Variants in ROBO2 observed in about 807,000 individuals in gnomAD.
The protein encoded by ROBO2 is roundabout guidance receptor 2.
ROBO2 carries 53 observed loss-of-function variants against 160.8 expected under a neutral mutation model. That is an observed-to-expected ratio of 0.33 (90% confidence interval 0.26 to 0.41). ROBO2 has a LOEUF of 0.41. Ranked by LOEUF, ROBO2 falls within the 10% of genes least tolerant of loss-of-function variation. The probability of loss-of-function intolerance (pLI) is 1.00; values close to 1 mark genes in which losing one functional copy is unlikely to be tolerated. For missense variants in ROBO2, 1,577 were observed against 1,722.4 expected (o/e 0.92, Z 1.49); for synonymous variants, 664 against 611.7 (o/e 1.09, Z -1.26).
intron 2 of ROBO2, among the ~76,000 whole-genome samples, chr3:77,169,294 C>T (rs889003056): frequency 1.2e-4 from 18 of 152,092 alleles, no homozygotes; most frequent in African/African-American, 3.9e-4. Context: ...GCTATCTTAG[C>T]CAATTATCTT....
At chr3:76,279,137 A>T (rs1428311321) in intron 2 of ROBO2, among the ~76,000 whole-genome samples, 1 of 151,160 alleles carries the variant, frequency 6.6e-6, no homozygotes, top group East Asian at 1.9e-4. Flanking sequence ...ATATATATAT[A>T]TCTTATATAT....
In ROBO2 at chr3:76,971,880, T is replaced by A. The variant is rs149438792; in HGVS notation, c.110-126134T>A. 4.5e-4 allele frequency among the ~76,000 whole-genome samples: 68 copies of A among 152,316 alleles called. 1 individual carries two copies. The East Asian group carries it at 0.011, about 25-fold the overall frequency. On this transcript the variant is annotated intron_variant, in intron 2 of 26. Coordinates refer to the ROBO2 transcript ENST00000487694. ...AAGTGTGTGGCAAAGGGAATCCCTA[T>A]GGCAGGCAGTGCAGAGGTGAGCAGG...
At chr3:76,360,676 C>T (rs2075459362) in intron 2 of ROBO2, among the ~76,000 whole-genome samples, 1 of 152,040 alleles carries the variant, frequency 6.6e-6, no homozygotes, top group African/African-American at 2.4e-5. Context: ...TTTTTAAAGC[C>T]AGGTATAGTC....
intron 2 of ROBO2, among the ~76,000 whole-genome samples, chr3:76,178,125 G>A (rs942350935): frequency 6.6e-6 from 1 of 152,070 alleles, no homozygotes; most frequent in African/African-American, 2.4e-5. Flanking sequence ...TTACAAGGAT[G>A]AAATAATTTA....
At chr3:76,097,644 CAG>C (rs1473391407) in intron 2 of ROBO2, among the ~76,000 whole-genome samples, 1 of 152,038 alleles carries the variant, frequency 6.6e-6, no homozygotes, top group Non-Finnish European at 1.5e-5. Flanking sequence ...ACAGGGTAAT[CAG>C]GGAGGATCTC....
intron 2 of ROBO2, among the ~76,000 whole-genome samples, chr3:76,922,411 G>A (rs760259654): frequency 5.9e-5 from 9 of 152,316 alleles, no homozygotes; most frequent in South Asian, 4.2e-4. Context: ...CCAAGGCTTC[G>A]AGAGCATGAG....
Position 77,546,480 on chromosome 3 carries a change from CT to C in ROBO2, c.1059+19del. The stretch of plus-strand genomic sequence containing the variant: ...GCAGCCAGGTGAGTGTGAGGCTTCA[CT>C]GCTTTTCTGAAATCTCTGAACTTCT... On this transcript the variant is annotated intron_variant, in intron 7 of 25. Transcript: ENST00000461745. 1 of 1,612,716 alleles carries C rather than the reference CT, an allele frequency of 6.2e-7. No individual in the cohort carries two copies. Among genetic ancestry groups the C allele is most frequent in the Non-Finnish European group, 8.5e-7 (1 of 1,178,934 alleles).
intron 21 of ROBO2, among the ~76,000 whole-genome samples, chr3:77,614,728 ACC>A (rs1182328202): frequency 7.4e-5 from 11 of 149,526 alleles, no homozygotes; most frequent in African/African-American, 2.4e-4. Flanking sequence ...CAAAAAACCA[ACC>A]AACCAACCAA....
chr3:77,630,201 G>A (rs547338589), intron 23 of ROBO2: 4 of 152,282 alleles, frequency 2.6e-5, no homozygotes, highest in East Asian at 3.9e-4. Context: ...AAGAGTGAAT[G>A]AGGACTAATA....
chr3:76,203,517 G>C (rs1186648139), intron 2 of ROBO2, among the ~76,000 whole-genome samples: 1 of 121,194 alleles, frequency 8.3e-6, no homozygotes, highest in African/African-American at 3.3e-5. Flanking sequence ...ATCTGAGTGA[G>C]ATTGCCTCAG....
intron 2 of ROBO2, among the ~76,000 whole-genome samples, chr3:76,313,558 G>A (rs545091167): frequency 6.6e-5 from 10 of 152,246 alleles, no homozygotes; most frequent in African/African-American, 2.4e-4. Context: ...AAACACTGTG[G>A]CCAGAGGCAA....
intron 22 of ROBO2, among the ~76,000 whole-genome samples, chr3:77,618,349 C>A (rs549606612): frequency 9.2e-5 from 14 of 152,156 alleles, no homozygotes; most frequent in African/African-American, 2.4e-4. Flanking sequence ...AGGAGTAAAT[C>A]AAAAATTTCA....
chr3:76,551,188 A>G (rs1038946810), intron 2 of ROBO2, among the ~76,000 whole-genome samples: 2 of 151,770 alleles, frequency 1.3e-5, no homozygotes, highest in Admixed American at 6.6e-5. Flanking sequence ...ACTCAGCCAG[A>G]CTCACACAGA....
intron 2 of ROBO2, among the ~76,000 whole-genome samples, chr3:76,630,128 C>T (rs1166456243): frequency 6.6e-6 from 1 of 152,208 alleles, no homozygotes; most frequent in East Asian, 1.9e-4. Context: ...TGAGAGAAAA[C>T]ATTGATTACT....
intron 2 of ROBO2, among the ~76,000 whole-genome samples, chr3:76,942,077 A>G (rs554847362): frequency 6.6e-6 from 1 of 152,234 alleles, no homozygotes; most frequent in Non-Finnish European, 1.5e-5. Context: ...CAAAAGTTAC[A>G]GCAAGTATTG....
intron 2 of ROBO2, among the ~76,000 whole-genome samples, chr3:77,252,831 A>AAAAAAATATATATATAT: frequency 8.0e-5 from 1 of 12,518 alleles, no homozygotes; most frequent in African/African-American, 1.6e-4. Context: ...AAAAAAAAAA[A>AAAAAAATATATATATAT]ATATATATAT....
At chr3:76,536,531 T>TA (rs1491119440) in intron 2 of ROBO2, among the ~76,000 whole-genome samples, 2 of 152,010 alleles carry the variant, frequency 1.3e-5, no homozygotes, top group African/African-American at 4.8e-5. Context: ...GATAGCTTTG[T>TA]ATGCTGCCTT....
At chr3:77,318,776 G>T (rs1033854358) in intron 2 of ROBO2, among the ~76,000 whole-genome samples, 2 of 152,104 alleles carry the variant, frequency 1.3e-5, no homozygotes, top group Admixed American at 1.3e-4. Flanking sequence ...TAAGTTGTAA[G>T]TGCTACCATG....
chr3:76,255,691 T>G (rs1333050518), intron 2 of ROBO2, among the ~76,000 whole-genome samples: 2 of 151,690 alleles, frequency 1.3e-5, no homozygotes, highest in African/African-American at 4.8e-5. Flanking sequence ...AATTTAAGAG[T>G]TCAATCGAAA....
Sources: allele counts gnomAD v4.1 joint callset (sites outside exome capture counted in the v4.1 genomes callset), GRCh38; gene constraint gnomAD v4.1.1; transcripts MANE v1.5; gene names NCBI Gene and HGNC (gene_info 2026-07-23, HGNC 2026-07-21).